The following DBF4 variants were observed in gnomAD, a reference collection of about 807,000 sequenced individuals.
DBF4 encodes the protein DBF4-CDC7 kinase regulatory subunit.
In DBF4, 25 loss-of-function variants were observed where a neutral mutation model predicts 76.6. That is an observed-to-expected ratio of 0.33 (90% CI 0.24 to 0.46). DBF4 has a LOEUF of 0.46. DBF4 is among the 20% of genes least tolerant of loss of function. The pLI is 1.00. For synonymous variants in DBF4, 213 were observed against 258.0 expected (o/e 0.83, Z 1.67); for missense variants, 638 against 760.8 (o/e 0.84, Z 1.90).
chr7:87,901,312 G>C (rs1219934383), intron 10 of DBF4, among the ~76,000 whole-genome samples: 1 of 152,154 alleles, frequency 6.6e-6, no homozygotes, highest in Non-Finnish European at 1.5e-5. Flanking sequence ...GAGAAATGAA[G>C]TAATGAGACC....
rs1221740580 is a variant in DBF4, at chr7:87,904,403, C to A, written c.1036C>A (p.Pro346Thr). 6.2e-7 allele frequency: 1 copy of A among 1,611,174 alleles called. No homozygotes were observed. Among genetic ancestry groups the A allele is most frequent in the Non-Finnish European group, 8.5e-7 (1 of 1,179,144 alleles). ...FDFVEYEKDT[P>T]KKKRIKYSVG... ...CTTTGTGGAATATGAAAAGGACACA[C>A]CTAAAAAGAAAAGGTAATTAGTTTT... is the stretch of plus-strand genomic sequence containing the variant. The change falls in exon 11 of 12, where the codon CCT becomes ACT. Residue 346 changes from proline to threonine, a missense_variant. Transcript: ENST00000265728.
intron 10 of DBF4, among the ~76,000 whole-genome samples, chr7:87,902,319 A>AT (rs1006241620): frequency 1.1e-3 from 155 of 144,758 alleles, no homozygotes; most frequent in African/African-American, 3.5e-3. Context: ...GAGTAAAGAC[A>AT]TTTTTTTTTT....
chr7:87,892,198 T>C (rs1839509233), intron 6 of DBF4, among the ~76,000 whole-genome samples: 1 of 152,240 alleles, frequency 6.6e-6, no homozygotes, highest in Non-Finnish European at 1.5e-5. Flanking sequence ...TCCATCATTA[T>C]AGTATCATAC....
At chr7:87,884,804 G>A (rs138919997) in intron 2 of DBF4, among the ~76,000 whole-genome samples, 175 bp from the exon 3 acceptor site, 1 of 152,266 alleles carries the variant, frequency 6.6e-6, no homozygotes, top group East Asian at 1.9e-4. Flanking sequence ...TACCTTGGTG[G>A]CATGTGCCTA....
chr7:87,887,297 C>T (rs531581413), intron 4 of DBF4, 32 bp from the exon 5 acceptor site: 2 of 1,401,364 alleles, frequency 1.4e-6, no homozygotes, highest in Non-Finnish European at 9.8e-7. Flanking sequence ...AAATAATTTC[C>T]TAGAACAACC....
intron 6 of DBF4, among the ~76,000 whole-genome samples, chr7:87,893,931 C>G (rs1213485427): frequency 6.6e-6 from 1 of 152,056 alleles, no homozygotes; most frequent in African/African-American, 2.4e-5. Context: ...CTTTTTAACT[C>G]TCTTCATTTT....
chr7:87,887,121 C>A (rs1839375497), intron 4 of DBF4, among the ~76,000 whole-genome samples: 1 of 152,122 alleles, frequency 6.6e-6, no homozygotes, highest in Non-Finnish European at 1.5e-5. Context: ...TTATAGTTTT[C>A]ATTAAATTAC....
intron 1 of DBF4, 50 bp downstream of exon 1, chr7:87,876,828 C>G (rs746812225): frequency 1.3e-6 from 2 of 1,596,054 alleles, no homozygotes; most frequent in Non-Finnish European, 1.7e-6. Flanking sequence ...TTCCTCCCCT[C>G]GTGGTTCCAC....
intron 6 of DBF4, among the ~76,000 whole-genome samples, chr7:87,889,325 G>A (rs1043303412): frequency 5.3e-5 from 8 of 150,824 alleles, no homozygotes; most frequent in Non-Finnish European, 1.2e-4. Context: ...TGTCATCCAG[G>A]CTGGAGTACA....
At position 87,904,422 on chromosome 7, in the gene DBF4, T is replaced by G. The variant is rs370068567; in HGVS notation, c.1049+6T>G. On this transcript the variant is annotated splice_donor_region_variant and intron_variant, in intron 11 of 11. Transcript: ENST00000265728. Reference sequence around the variant, plus strand: ...GACACACCTAAAAAGAAAAGGTAATTAGTTTTATCAACCTAAGTTTTAAAT... The same window carrying G: ...GACACACCTAAAAAGAAAAGGTAATGAGTTTTATCAACCTAAGTTTTAAAT... 1 of 1,610,534 alleles carries G rather than the reference T, an allele frequency of 6.2e-7. No individual in the cohort carries two copies. The highest frequency in any genetic ancestry group is 2.2e-5 in the East Asian group (1 of 44,736).
In DBF4 at chr7:87,909,132, A is replaced by T. The variant is rs1186250442; in HGVS notation, c.*969A>T. 6.6e-6 allele frequency: 1 copy of T among 152,190 alleles called. No homozygotes were observed. Among genetic ancestry groups the T allele is most frequent in the East Asian group, 1.9e-4 (1 of 5,192 alleles). The allele number at this position is 152,190 out of a possible 1,614,324, so 9.4% of individuals were successfully genotyped here. ...TTGGTAGGAGATGAAGGAGAAAAGG[A>T]TGGCATTGAATTATAGATACAGTTT... On this transcript the variant is annotated 3_prime_UTR_variant, in exon 12 of 12. Transcript: ENST00000265728.
intron 2 of DBF4, among the ~76,000 whole-genome samples, chr7:87,884,155 A>T (rs796685559): frequency 7.2e-5 from 11 of 152,332 alleles, no homozygotes; most frequent in African/African-American, 2.6e-4. Context: ...TGATTGATTT[A>T]GACTTGTATT....
intron 10 of DBF4, among the ~76,000 whole-genome samples, chr7:87,903,671 GTCTC>G (rs201108263): frequency 7.2e-6 from 1 of 139,110 alleles, no homozygotes; most frequent in Non-Finnish European, 1.6e-5. Context: ...TGTTACTGTT[GTCTC>G]TCTCTCTGTA....
At chr7:87,901,788 C>T (rs1341595383) in intron 10 of DBF4, among the ~76,000 whole-genome samples, 1 of 152,106 alleles carries the variant, frequency 6.6e-6, no homozygotes, top group East Asian at 1.9e-4. Flanking sequence ...TTATTGTTAG[C>T]TGTTATTTGA....
chr7:87,886,961 A>C, intron 4 of DBF4, 67 bp downstream of exon 4: 1 of 1,076,786 alleles, frequency 9.3e-7, no homozygotes. Context: ...GAAATTACAG[A>C]TATTCTTGAA....
chr7:87,901,802 A>AT (rs879819954), intron 10 of DBF4, among the ~76,000 whole-genome samples: 1 of 152,108 alleles, frequency 6.6e-6, no homozygotes, highest in Non-Finnish European at 1.5e-5. Context: ...TATTTGAATA[A>AT]TTTTTTACGT....
intron 10 of DBF4, among the ~76,000 whole-genome samples, 179 bp downstream of exon 10, chr7:87,901,057 A>G (rs1001485298): frequency 1.1e-4 from 17 of 152,024 alleles, no homozygotes; most frequent in African/African-American, 4.1e-4. Context: ...ACTGATCACT[A>G]CTCTGGGCAA....
chr7:87,903,420 C>G (rs1839838264), intron 10 of DBF4, among the ~76,000 whole-genome samples: 1 of 152,180 alleles, frequency 6.6e-6, no homozygotes, highest in Non-Finnish European at 1.5e-5. Flanking sequence ...TCTGTATACT[C>G]TGTTATGAGC....
intron 1 of DBF4, 97 bp from the exon 2 acceptor site, chr7:87,877,956 T>C: frequency 1.0e-6 from 1 of 1,005,006 alleles, no homozygotes; most frequent in African/African-American, 1.7e-5. Context: ...ACTGGTAGGG[T>C]TGTAAGGATT....
Sources: gnomAD v4.1 joint callset for allele counts (sites outside exome capture counted in the v4.1 genomes callset) on GRCh38, gnomAD v4.1.1 for gene constraint, MANE v1.5 for transcripts, NCBI Gene and HGNC (gene_info 2026-07-23, HGNC 2026-07-21) for gene names.